The following LPXN variants were observed in gnomAD, a reference collection of about 807,000 sequenced individuals.
LPXN encodes the protein leupaxin.
A neutral mutation model predicts 45.6 loss-of-function variants in LPXN; 28 were observed. That is an observed-to-expected ratio of 0.61 (90% CI 0.45 to 0.84). The LOEUF (loss-of-function observed/expected upper bound fraction) is 0.84, where lower values mean the gene tolerates loss of function less well. LPXN is among the 40% of genes least tolerant of loss of function. LPXN has a pLI of 0.00. For missense variants in LPXN, 459 were observed against 475.0 expected, an observed-to-expected ratio of 0.97 and a Z score of 0.31; for synonymous variants, 166 against 169.9, an observed-to-expected ratio of 0.98 and a Z score of 0.18.
At chr11:58,541,612 C>T (rs1012619210) in intron 7 of LPXN, among the ~76,000 whole-genome samples, 3 of 150,088 alleles carry the variant, frequency 2.0e-5, no homozygotes, top group South Asian at 2.2e-4. Context: ...CTAGTTCAAC[C>T]ATTGTGGAAG....
intron 2 of LPXN, among the ~76,000 whole-genome samples, chr11:58,570,346 A>T (rs1590587868): frequency 6.6e-6 from 1 of 151,866 alleles, no homozygotes; most frequent in South Asian, 2.1e-4. Context: ...AATAAAAAAA[A>T]TTTAGTTCTC....
In LPXN at chr11:58,554,947, A is replaced by T; in HGVS notation, c.219-7T>A. ...CTTTGGCTCTTGGGCTTCACTATAG[A>T]GGGAAAACAAAAAAGTCATATGAAC... On this transcript the variant is annotated splice_polypyrimidine_tract_variant and splice_region_variant and intron_variant, in intron 3 of 8. Transcript: ENST00000395074. The T allele has an allele frequency of 6.3e-7, 1 of 1,591,858 alleles. No homozygotes were observed. Among genetic ancestry groups the T allele is most frequent in the Non-Finnish European group, 8.6e-7 (1 of 1,160,020 alleles).
intron 1 of LPXN, among the ~76,000 whole-genome samples, chr11:58,574,971 G>A (rs1036012881): frequency 6.6e-6 from 1 of 152,174 alleles, no homozygotes; most frequent in South Asian, 2.1e-4. Context: ...TGGAAATTGG[G>A]TATAGTTTAG....
chr11:58,530,621 A>G (rs1259182243), intron 7 of LPXN, among the ~76,000 whole-genome samples: 1 of 152,216 alleles, frequency 6.6e-6, no homozygotes, highest in Non-Finnish European at 1.5e-5. Flanking sequence ...GGCTGTGGGC[A>G]CAGCTTCAGT....
intron 7 of LPXN, among the ~76,000 whole-genome samples, chr11:58,541,190 G>A (rs879574094): frequency 6.6e-6 from 1 of 152,072 alleles, no homozygotes; most frequent in Non-Finnish European, 1.5e-5. Context: ...TAGACAAATG[G>A]GATCTAATTA....
chr11:58,572,452 A>T (rs1854735945), intron 1 of LPXN, among the ~76,000 whole-genome samples: 2 of 152,186 alleles, frequency 1.3e-5, no homozygotes, highest in African/African-American at 4.8e-5. Flanking sequence ...CTATGGCATT[A>T]AAAAGTTGAG....
At position 58,551,070 on chromosome 11, in the gene LPXN, C is replaced by T. The variant is rs747034045; in HGVS notation, c.481G>A (p.Gly161Arg). 335 of 1,564,694 alleles carry T rather than the reference C, an allele frequency of 2.1e-4. No homozygotes were observed. Among genetic ancestry groups the T allele is most frequent in the Non-Finnish European group, 2.8e-4 (327 of 1,155,874 alleles). Residue 161 changes from glycine to arginine, a missense_variant, in exon 5 of 9, where the codon GGG becomes AGG. Transcript: ENST00000395074. ...AAAATTTCAGCCCATCTCACCTTCC[C>T]AGCAATCGGTTTCTGGCAGGATGCA... ...HCASCQKPIA[G>R]KVIHALGQSW...
At chr11:58,543,336 C>T (rs1336810162) in intron 7 of LPXN, among the ~76,000 whole-genome samples, 7 of 152,054 alleles carry the variant, frequency 4.6e-5, no homozygotes, top group Non-Finnish European at 4.4e-5. Context: ...CATCTGCTCC[C>T]GAGTATATTG....
At chr11:58,564,402 G>C (rs1854468384) in intron 2 of LPXN, among the ~76,000 whole-genome samples, 1 of 152,188 alleles carries the variant, frequency 6.6e-6, no homozygotes, top group African/African-American at 2.4e-5. Context: ...AAACAGAGTA[G>C]TTGGCATGTG....
intron 3 of LPXN, among the ~76,000 whole-genome samples, chr11:58,561,091 C>G (rs1288501015): frequency 6.6e-6 from 1 of 152,152 alleles, no homozygotes; most frequent in Admixed American, 6.6e-5. Flanking sequence ...TAGCTAACAA[C>G]CCACCAAACC....
At chr11:58,565,528 G>A (rs1405809730) in intron 2 of LPXN, among the ~76,000 whole-genome samples, 8 of 141,064 alleles carry the variant, frequency 5.7e-5, no homozygotes, top group Non-Finnish European at 9.4e-5. Context: ...AGCGAGACTC[G>A]GTCTCAAAAA....
chr11:58,545,379 C>T (rs1252764125), intron 7 of LPXN, among the ~76,000 whole-genome samples: 1 of 152,136 alleles, frequency 6.6e-6, no homozygotes, highest in Non-Finnish European at 1.5e-5. Flanking sequence ...GCAACTTCTC[C>T]ATCATAATGA....
chr11:58,550,185 G>C (rs1436793552), intron 5 of LPXN, 39 bp from the exon 6 acceptor site: 1 of 1,596,104 alleles, frequency 6.3e-7, no homozygotes, highest in South Asian at 1.1e-5. Context: ...GAGGCCAGTT[G>C]AGTGCTCTAC....
intron 7 of LPXN, among the ~76,000 whole-genome samples, chr11:58,536,065 G>A (rs1393084726): frequency 1.3e-5 from 2 of 152,134 alleles, no homozygotes; most frequent in Non-Finnish European, 1.5e-5. Context: ...AACCAATATC[G>A]TGAAAATGGC....
At chr11:58,538,489 A>C (rs1182763648) in intron 7 of LPXN, among the ~76,000 whole-genome samples, 1 of 151,890 alleles carries the variant, frequency 6.6e-6, no homozygotes, top group Non-Finnish European at 1.5e-5. Context: ...ATGGTATCTC[A>C]TTGTGGTTTT....
chr11:58,566,862 G>C (rs890393428), intron 2 of LPXN, among the ~76,000 whole-genome samples: 1 of 152,094 alleles, frequency 6.6e-6, no homozygotes, highest in African/African-American at 2.4e-5. Flanking sequence ...CAAAGGCTCA[G>C]GCATTCCCAA....
chr11:58,560,051 C>T (rs547105908), intron 3 of LPXN, among the ~76,000 whole-genome samples: 3 of 152,330 alleles, frequency 2.0e-5, no homozygotes, highest in African/African-American at 7.2e-5. Context: ...TCTCAATTTT[C>T]ACCCTATGTA....
chr11:58,555,247 C>G (rs1168571366), intron 3 of LPXN, among the ~76,000 whole-genome samples: 1 of 152,078 alleles, frequency 6.6e-6, no homozygotes, highest in Admixed American at 6.5e-5. Flanking sequence ...AACTAAGGTC[C>G]TTGGATCAAA....
chr11:58,569,124 CT>C (rs1420575717), intron 2 of LPXN, among the ~76,000 whole-genome samples: 1 of 152,166 alleles, frequency 6.6e-6, no homozygotes, highest in African/African-American at 2.4e-5. Flanking sequence ...TAAACTACCC[CT>C]GAGCTCAAAT....
Sources: allele counts gnomAD v4.1 joint callset (sites outside exome capture counted in the v4.1 genomes callset), GRCh38; gene constraint gnomAD v4.1.1; transcripts MANE v1.5; gene names NCBI Gene and HGNC (gene_info 2026-07-23, HGNC 2026-07-21).